Variants in RASGRF1 observed in about 807,000 individuals in gnomAD.
RASGRF1 encodes Ras protein specific guanine nucleotide releasing factor 1.
In RASGRF1, 40 loss-of-function variants were observed where a neutral mutation model predicts 138.7. The ratio of observed to expected loss-of-function variants is 0.29; its 90% CI spans 0.22 to 0.38. The LOEUF (loss-of-function observed/expected upper bound fraction) is 0.38, where lower values mean the gene tolerates loss of function less well. Ranked by LOEUF, RASGRF1 falls within the 10% of genes least tolerant of loss-of-function variation. The pLI is 1.00. For synonymous variants in RASGRF1, 614 were observed against 663.2 expected (o/e 0.93, Z 1.14); for missense variants, 1,108 against 1,650.4 (o/e 0.67, Z 5.69).
chr15:79,039,155 G>A (rs1227380934), intron 5 of RASGRF1, among the ~76,000 whole-genome samples: 1 of 151,852 alleles, frequency 6.6e-6, no homozygotes, highest in Non-Finnish European at 1.5e-5. Context: ...AAAAAAATTA[G>A]CCAGGAATGG....
At chr15:79,035,083 C>T in intron 6 of RASGRF1, 48 bp downstream of exon 6, 1 of 1,521,560 alleles carries the variant, frequency 6.6e-7, no homozygotes, top group Non-Finnish European at 9.0e-7. Context: ...TGGGGTGGCC[C>T]CTGGAGGGGG....
Position 79,003,893 on chromosome 15 carries a change from G to A in RASGRF1, c.2358C>T (p.Leu786=). 6.2e-7 allele frequency: 1 copy of A among 1,614,136 alleles called. No individual in the cohort carries two copies. The highest frequency in any genetic ancestry group is 8.5e-7 in the Non-Finnish European group (1 of 1,180,036). The stretch of plus-strand genomic sequence containing the variant: ...TGTTGGTGAAGCTGCTGGACACATA[G>A]AGCTTGCTGGTGTCCAGCGTGGCCT... ...FSKATLDTSK[L]YVSSSFTNKI... Residue 786 remains leucine (L), a synonymous_variant, in exon 15 of 27, where the codon CTC becomes CTT. Transcript: ENST00000558480.
intron 1 of RASGRF1, among the ~76,000 whole-genome samples, chr15:79,086,575 AC>A (rs35311944): frequency 0.12 from 16,396 of 134,296 alleles, 1,428 homozygotes; most frequent in African/African-American, 0.26. Context: ...AGGTTCTAAG[AC>A]CCCCCCCCCC....
rs1220144356 is a variant in RASGRF1, at chr15:79,032,381, C to T, written c.959-65G>A. ...TGGTGGGGACAGAATCCCCTAGGCCCTTGGCTCCCCCAGCTACACCCAGAG... is the reference window on the plus strand; with the variant it reads ...TGGTGGGGACAGAATCCCCTAGGCCTTTGGCTCCCCCAGCTACACCCAGAG... On this transcript the variant is annotated intron_variant, in intron 6 of 26. Coordinates refer to ENST00000558480, the MANE Select transcript of RASGRF1 (RefSeq NM_001145648.3). This position sits in a 1 kb window ranked among gnomAD's most constrained non-coding sequence, Gnocchi z 4.5. 4.7e-6 allele frequency: 7 copies of T among 1,501,822 alleles called. No homozygotes were observed. The highest frequency in any genetic ancestry group is 1.8e-5 in the Admixed American group (1 of 56,160). 93.0% of individuals were successfully genotyped at this position (1,501,822 alleles called of 1,614,324 possible).
intron 3 of RASGRF1, among the ~76,000 whole-genome samples, chr15:79,055,790 C>T (rs964908436): frequency 1.3e-5 from 2 of 152,216 alleles, no homozygotes; most frequent in African/African-American, 4.8e-5. Context: ...CCTACTATGG[C>T]ACTGAAGACA....
chr15:79,020,147 T>C (rs1367665471), intron 10 of RASGRF1, 43 bp from the exon 11 acceptor site: 13 of 1,592,894 alleles, frequency 8.2e-6, no homozygotes, highest in Non-Finnish European at 1.1e-5. Context: ...GAGGGGTAGA[T>C]ATGCTGGTTT....
intron 8 of RASGRF1, among the ~76,000 whole-genome samples, chr15:79,029,353 A>G (rs2057105141): frequency 6.6e-6 from 1 of 152,132 alleles, no homozygotes; most frequent in Non-Finnish European, 1.5e-5. Context: ...ACTTCTCTTG[A>G]TGAGGGTGGG....
At chr15:79,048,591 T>C (rs553230599) in intron 4 of RASGRF1, among the ~76,000 whole-genome samples, 9 of 152,334 alleles carry the variant, frequency 5.9e-5, no homozygotes, top group African/African-American at 2.2e-4. Flanking sequence ...AGTTAATTAA[T>C]GTTAGCTATT....
rs530786930 is a variant in RASGRF1 at position 78,997,022 on chromosome 15, C to T, written c.2966+1074G>A. Among the ~76,000 whole-genome samples the T allele has an allele frequency of 3.9e-5, 6 of 152,302 alleles. No individual in the cohort carries two copies. In the South Asian group the frequency reaches 6.2e-4, roughly 16 times the overall value. ...CAGACAGGCTGAGTCGGTAGGTGCC[C>T]GCCACCCACTGAACAGCCTGTAAAA... On this transcript the variant is annotated intron_variant, in intron 19 of 26. Coordinates refer to ENST00000558480, the MANE Select transcript of RASGRF1 (RefSeq NM_001145648.3).
intron 4 of RASGRF1, among the ~76,000 whole-genome samples, chr15:79,047,265 A>G (rs183384501): frequency 1.3e-5 from 2 of 151,812 alleles, no homozygotes; most frequent in South Asian, 2.1e-4. Context: ...GTGGTCCACA[A>G]ATTGGATCGG....
At chr15:78,970,970 C>T (rs1378135723) in intron 26 of RASGRF1, among the ~76,000 whole-genome samples, 1 of 152,166 alleles carries the variant, frequency 6.6e-6, no homozygotes, top group Non-Finnish European at 1.5e-5. Flanking sequence ...AGGATCCCAC[C>T]AGTTCCATCT....
chr15:79,003,763 G>A, intron 15 of RASGRF1, 39 bp downstream of exon 15: 1 of 1,548,254 alleles, frequency 6.5e-7, no homozygotes, highest in Non-Finnish European at 8.7e-7. Context: ...CAGTGGGGCT[G>A]GGAGGCTGGG....
At chr15:78,979,642 G>A (rs913188801) in intron 24 of RASGRF1, among the ~76,000 whole-genome samples, 3 of 152,234 alleles carry the variant, frequency 2.0e-5, no homozygotes, top group African/African-American at 7.2e-5. Context: ...CACTTCATGT[G>A]AGTGTGTGGC....
chr15:78,963,490 C>T (rs958461851), intron 26 of RASGRF1, among the ~76,000 whole-genome samples: 2 of 152,054 alleles, frequency 1.3e-5, no homozygotes, highest in African/African-American at 4.8e-5. Context: ...TTAGTAGAGA[C>T]AGGGTTTTGC....
chr15:79,068,410 C>G (rs1438509091), intron 1 of RASGRF1, among the ~76,000 whole-genome samples: 1 of 151,448 alleles, frequency 6.6e-6, no homozygotes, highest in African/African-American at 2.4e-5. Flanking sequence ...CCTTGTCATC[C>G]TTAGCTTCCT....
intron 1 of RASGRF1, among the ~76,000 whole-genome samples, chr15:79,083,742 G>T (rs868032696): frequency 2.0e-5 from 3 of 152,242 alleles, no homozygotes; most frequent in Middle Eastern, 3.4e-3. Context: ...GCATGTACTT[G>T]CTCTGTAACT....
At chr15:79,041,460 A>G (rs948325964) in intron 5 of RASGRF1, among the ~76,000 whole-genome samples, 6 of 152,240 alleles carry the variant, frequency 3.9e-5, no homozygotes, top group African/African-American at 1.2e-4. Context: ...AGTGTGATGC[A>G]TGCAACAAAG....
chr15:79,049,937 C>CT (rs1286538867), intron 3 of RASGRF1, among the ~76,000 whole-genome samples: 1 of 152,196 alleles, frequency 6.6e-6, no homozygotes, highest in Non-Finnish European at 1.5e-5. Flanking sequence ...GTTCTCCTCC[C>CT]TACTCCCCAA....
At chr15:78,999,108 G>A (rs56267258) in intron 17 of RASGRF1, among the ~76,000 whole-genome samples, 32,021 of 150,618 alleles carry the variant, frequency 0.21, 3,760 homozygotes, top group Non-Finnish European at 0.27. Flanking sequence ...AGCCACGCAG[G>A]GCCTCCCCAG....
Sources: gnomAD v4.1 joint callset for allele counts (sites outside exome capture counted in the v4.1 genomes callset) on GRCh38, gnomAD v4.1.1 for gene constraint, Gnocchi (gnomAD v3.1) non-coding constraint, MANE v1.5 for transcripts, NCBI Gene and HGNC (gene_info 2026-07-23, HGNC 2026-07-21) for gene names.